TCEAL4: variants seen among roughly 807,000 people sequenced by gnomAD.
TCEAL4 encodes transcription elongation factor A like 4.
In TCEAL4, 1 loss-of-function variant was observed where a neutral mutation model predicts 1.3. That is an observed-to-expected ratio of 0.79 (90% CI 0.28 to 3.76). The LOEUF is 3.76. TCEAL4 is among the 30% of genes most tolerant of loss of function. TCEAL4 has a pLI of 0.18. For synonymous variants in TCEAL4, 54 were observed against 50.7 expected, an observed-to-expected ratio of 1.06 and a Z score of -0.28; for missense variants, 129 against 154.7, an observed-to-expected ratio of 0.83 and a Z score of 0.88.
At chrX:103,585,500 G>A (rs986362362), upstream of TCEAL4, 3 of 1,119,075 alleles carry the variant, frequency 2.7e-6, no homozygotes, top group Non-Finnish European at 2.4e-6. Context: ...CTGGGCTGCG[G>A]CATTCACGTG....
intron 1 of TCEAL4, chrX:103,576,541 A>T: frequency 2.0e-6 from 2 of 1,007,512 alleles, no homozygotes; most frequent in Non-Finnish European, 1.4e-6. Flanking sequence ...GGGTGAGTAG[A>T]TCACCTGAGG....
chrX:103,586,033 C>T, intron 1 of TCEAL4, 186 bp from the exon 2 acceptor site: 1 of 1,082,186 alleles, frequency 9.2e-7, no homozygotes, highest in Non-Finnish European at 1.2e-6. Flanking sequence ...GCACAGAGAC[C>T]CAAAATTAGT....
At position 103,587,460 on chromosome X, in the gene TCEAL4, C is replaced by A; in HGVS notation, c.*137C>A. The A allele has an allele frequency of 2.6e-6, 2 of 769,547 alleles. No individual in the cohort carries two copies. The highest frequency in any genetic ancestry group is 5.3e-5 in the South Asian group (1 of 18,752). 63.4% of individuals were successfully genotyped at this position (769,547 alleles called of 1,213,427 possible). ...CTCAGTAGGAAATGTTCATCTGTTA[C>A]ATGGAAAAAATGTTGATGGTGCATT... On this transcript the variant is annotated 3_prime_UTR_variant, in exon 3 of 3. Transcript: ENST00000472484.
At chrX:103,577,654 G>C (rs1341811147) in intron 2 of TCEAL4, among the ~76,000 whole-genome samples, 1 of 111,281 alleles carries the variant, frequency 9.0e-6, no homozygotes, top group East Asian at 2.8e-4. Flanking sequence ...ATTAATTCAA[G>C]TTCTTAGAAT....
At position 103,586,933 on chromosome X, in the gene TCEAL4, A is replaced by G. The variant is rs1294107221; in HGVS notation, c.258A>G (p.Gly86=). The change falls in exon 3 of 3, where the codon GGA becomes GGG. Residue 86 remains glycine (G), a synonymous_variant. Coordinates refer to ENST00000472484, the MANE Select transcript of TCEAL4 (RefSeq NM_001006935.3). Reference sequence around the variant, plus strand: ...GGGAGGGAGAGTCAGAGATGGAGGGAGGATCAGAGAGAGAGGGAAAACCAG... The same window carrying G: ...GGGAGGGAGAGTCAGAGATGGAGGGGGGATCAGAGAGAGAGGGAAAACCAG... The part of the protein sequence containing the change: ...SEREGESEME[G]GSEREGKPEI... 1 of 1,203,714 alleles carries G rather than the reference A, an allele frequency of 8.3e-7. No individual in the cohort carries two copies. Among genetic ancestry groups the G allele is most frequent in the Non-Finnish European group, 1.1e-6 (1 of 892,130 alleles).
At chrX:103,585,784 T>TGAGGGGGAGCACGTAGGCAGTGGGCA in intron 1 of TCEAL4, 160 bp downstream of exon 1, 1 of 1,123,864 alleles carries the variant, frequency 8.9e-7, no homozygotes. Flanking sequence ...TAGGGGTGGC[T>TGAGGGGGAGCACGTAGGCAGTGGGCA]GAGGGGGAGC....
upstream of TCEAL4, among the ~76,000 whole-genome samples, chrX:103,585,170 G>C (rs1456826497): frequency 9.0e-6 from 1 of 111,391 alleles, no homozygotes; most frequent in Non-Finnish European, 1.9e-5. Flanking sequence ...ATTTATTTTG[G>C]AAAATTTTTC....
At chrX:103,579,670 T>A (rs1164521932) in intron 2 of TCEAL4, among the ~76,000 whole-genome samples, 1 of 112,145 alleles carries the variant, frequency 8.9e-6, no homozygotes, top group Non-Finnish European at 1.9e-5. Flanking sequence ...AGTTCTTTAG[T>A]GAATTATTTG....
In TCEAL4 at chrX:103,587,366, C is replaced by T. The variant is rs764151895; in HGVS notation, c.*43C>T. On this transcript the variant is annotated 3_prime_UTR_variant, in exon 3 of 3. Transcript: ENST00000472484. The stretch of plus-strand genomic sequence containing the variant: ...TACCAGGCCATGTGCTTTAACGTTA[C>T]GGTAATACTTTACTTTAGGCATCCC... 7.1e-6 allele frequency: 8 copies of T among 1,131,565 alleles called. No homozygotes were observed. In the East Asian group the frequency reaches 1.2e-4, roughly 17 times the overall value. 93.3% of individuals were successfully genotyped at this position (1,131,565 alleles called of 1,213,427 possible).
chrX:103,586,323 G>A (rs1292119539), intron 2 of TCEAL4, 32 bp downstream of exon 2: 1 of 1,163,190 alleles, frequency 8.6e-7, no homozygotes, highest in Non-Finnish European at 1.1e-6. Flanking sequence ...CATGGACAGG[G>A]GCCCACAAGG....
intron 2 of TCEAL4, 120 bp from the exon 3 acceptor site, chrX:103,586,529 C>G: frequency 1.0e-6 from 1 of 969,909 alleles, no homozygotes; most frequent in Non-Finnish European, 1.4e-6. Flanking sequence ...GCCTGGCCAG[C>G]TTAGGGGAAC....
In TCEAL4 at chrX:103,586,664, G is replaced by A; in HGVS notation, c.-12G>A. ...CATCCCCCAGGACAGGAAAAGGAGGGGAAATCTCGACATGGAAAAACTCTA... is the reference window on the plus strand; with the variant it reads ...CATCCCCCAGGACAGGAAAAGGAGGAGAAATCTCGACATGGAAAAACTCTA... On this transcript the variant is annotated 5_prime_UTR_variant, in exon 3 of 3. Coordinates refer to ENST00000472484, the MANE Select transcript of TCEAL4 (RefSeq NM_001006935.3). 1 of 1,208,769 alleles carries A rather than the reference G, an allele frequency of 8.3e-7. No individual in the cohort carries two copies. Among genetic ancestry groups the A allele is most frequent in the Middle Eastern group, 2.3e-4 (1 of 4,329 alleles).
At chrX:103,586,069 C>G in intron 1 of TCEAL4, 150 bp from the exon 2 acceptor site, 2 of 1,091,134 alleles carry the variant, frequency 1.8e-6, no homozygotes, top group African/African-American at 1.9e-5. Flanking sequence ...ATTTGGTGCC[C>G]GAGGCCTGGA....
upstream of TCEAL4, among the ~76,000 whole-genome samples, chrX:103,583,601 C>T (rs1034731887): frequency 2.7e-5 from 3 of 112,225 alleles, no homozygotes; most frequent in Non-Finnish European, 5.6e-5. Flanking sequence ...TCTCAGCAAA[C>T]TAATGCAGGA....
chrX:103,576,381 C>T lies in TCEAL4; in HGVS notation c.-89C>T, dbSNP rs774341932. On this transcript the variant is annotated 5_prime_UTR_variant, in exon 1 of 5. Coordinates refer to the TCEAL4 transcript ENST00000372629. ...TATTAAGGTTAGTATTGCTGCATAA[C>T]AAATTACTCCAAAATTTAATCATTT... The T allele has an allele frequency of 8.9e-6, 10 of 1,117,368 alleles. 1 individual carries two copies. In the Admixed American group the frequency reaches 2.4e-4, roughly 26 times the overall value. The allele number at this position is 1,117,368 out of a possible 1,213,427, so 92.1% of individuals were successfully genotyped here. A position where few individuals can be genotyped will look rare whatever the true frequency, so the allele number is the denominator to read the frequency against.
At chrX:103,576,946 G>C in intron 1 of TCEAL4, 1 of 695,399 alleles carries the variant, frequency 1.4e-6, no homozygotes, top group Middle Eastern at 3.4e-4. Context: ...GGTGGTTTCA[G>C]GGTAGGAAGA....
At chrX:103,577,271 T>C in intron 2 of TCEAL4, 2 of 1,108,362 alleles carry the variant, frequency 1.8e-6, no homozygotes, top group Non-Finnish European at 2.4e-6. Flanking sequence ...TTGTTAATAG[T>C]AAAAGTATGG....
In TCEAL4 at chrX:103,586,665, G is replaced by T; in HGVS notation, c.-11G>T. On this transcript the variant is annotated 5_prime_UTR_variant, in exon 3 of 3. Coordinates refer to ENST00000472484, the MANE Select transcript of TCEAL4 (RefSeq NM_001006935.3). ...ATCCCCCAGGACAGGAAAAGGAGGG[G>T]AAATCTCGACATGGAAAAACTCTAC... The T allele has an allele frequency of 2.5e-6, 3 of 1,208,850 alleles. No individual in the cohort carries two copies. The highest frequency in any genetic ancestry group is 3.4e-6 in the Non-Finnish European group (3 of 894,536).
upstream of TCEAL4, among the ~76,000 whole-genome samples, chrX:103,582,608 C>T (rs927779320): frequency 2.7e-5 from 3 of 111,448 alleles, no homozygotes; most frequent in East Asian, 8.4e-4. Context: ...GACCACACAC[C>T]TAGAACTATC....
Sources: allele counts gnomAD v4.1 joint callset (sites outside exome capture counted in the v4.1 genomes callset), GRCh38; gene constraint gnomAD v4.1.1; transcripts MANE v1.5; gene names NCBI Gene and HGNC (gene_info 2026-07-23, HGNC 2026-07-21).